The following CCDC3 variants were observed in gnomAD, a reference collection of about 807,000 sequenced individuals.
CCDC3 encodes coiled-coil domain containing 3, also known as coiled-coil domain-containing protein 3.
In CCDC3, 24 loss-of-function variants were observed where a neutral mutation model predicts 21.4. That is an observed-to-expected ratio of 1.12 (90% CI 0.81 to 1.58). The LOEUF (loss-of-function observed/expected upper bound fraction) is 1.58, where lower values mean the gene tolerates loss of function less well. Ranked by LOEUF, CCDC3 falls within the 40% of genes most tolerant of loss-of-function variation. The pLI is 0.00. For synonymous variants in CCDC3, 186 were observed against 166.0 expected, an observed-to-expected ratio of 1.12 and a Z score of -0.93; for missense variants, 425 against 360.9, an observed-to-expected ratio of 1.18 and a Z score of -1.44.
At position 12,897,744 on chromosome 10, in the gene CCDC3, C is replaced by T. The variant is rs987162928; in HGVS notation, c.*672G>A. ...CGCGACCCATAGGTATCATCTTCAACTCTTTGTAGCTGGTGTTGGAAATCA... is the reference window on the plus strand; with the variant it reads ...CGCGACCCATAGGTATCATCTTCAATTCTTTGTAGCTGGTGTTGGAAATCA... On this transcript the variant is annotated 3_prime_UTR_variant, in exon 3 of 3. Coordinates refer to ENST00000378825, the MANE Select transcript of CCDC3 (RefSeq NM_031455.4). 6.6e-6 allele frequency: 1 copy of T among 152,244 alleles called. No individual in the cohort carries two copies. Among genetic ancestry groups the T allele is most frequent in the African/African-American group, 2.4e-5 (1 of 41,438 alleles). The allele number at this position is 152,244 out of a possible 1,614,324, so 9.4% of individuals were successfully genotyped here.
At chr10:13,004,331 GT>G (rs1394461029), upstream of CCDC3, among the ~76,000 whole-genome samples, 1 of 152,174 alleles carries the variant, frequency 6.6e-6, no homozygotes, top group East Asian at 1.9e-4. Flanking sequence ...GATGGGACAT[GT>G]GGTAAAACCA....
chr10:12,915,970 T>TA (rs939318650), intron 2 of CCDC3, among the ~76,000 whole-genome samples: 2 of 151,808 alleles, frequency 1.3e-5, no homozygotes, highest in Non-Finnish European at 2.9e-5. Context: ...CCTGGAGCCA[T>TA]GGGGGCTAGT....
At chr10:13,008,322 G>A (rs1188433388) in intron 5 of CCDC3, among the ~76,000 whole-genome samples, 1 of 152,194 alleles carries the variant, frequency 6.6e-6, no homozygotes, top group East Asian at 1.9e-4. Context: ...GTTAGGGTGA[G>A]ATGAGTGTCC....
At position 12,916,426 on chromosome 10, in the gene CCDC3, C is replaced by CAA. The variant is rs71386129; in HGVS notation, c.550-17749_550-17748dup. Among the ~76,000 whole-genome samples, 1,042 of 105,184 alleles carry CAA rather than the reference C, an allele frequency of 9.9e-3. 10 individuals carry two copies. The highest frequency in any genetic ancestry group is 0.023 in the African/African-American group (613 of 26,952). 69.0% of individuals were successfully genotyped at this position (105,184 alleles called of 152,430 possible). A position where few individuals can be genotyped will look rare whatever the true frequency, so the allele number is the denominator to read the frequency against. On this transcript the variant is annotated intron_variant, in intron 2 of 2. Coordinates refer to ENST00000378825, the MANE Select transcript of CCDC3 (RefSeq NM_031455.4). ...TGAGGGATAGAGACAGACTCCATCT[C>CAA]AAAAAAAAAAAAAAAAAAAATTGAC...
intron 5 of CCDC3, among the ~76,000 whole-genome samples, chr10:13,013,121 G>GAC (rs1329339388): frequency 6.6e-6 from 1 of 151,988 alleles, no homozygotes. Flanking sequence ...AGTCTTTTGG[G>GAC]ACACACACAC....
At position 13,095,730 on chromosome 10, in the gene CCDC3, G is replaced by A. The variant is rs1203865994; in HGVS notation, c.-503+2795C>T. 3.9e-5 allele frequency among the ~76,000 whole-genome samples: 6 copies of A among 152,232 alleles called. No individual in the cohort carries two copies. The East Asian group carries it at 1.2e-3, about 29-fold the overall frequency. ...CTTTATTGGACATAATTATTAGGTC[G>A]TGTTCTTTTTGGTGGTGTTTGTACA... On this transcript the variant is annotated intron_variant, in intron 3 of 6. Transcript: ENST00000378839.
intron 2 of CCDC3, among the ~76,000 whole-genome samples, chr10:12,967,071 C>T (rs1835272815): frequency 6.6e-6 from 1 of 152,190 alleles, no homozygotes; most frequent in Non-Finnish European, 1.5e-5. Context: ...GCGATTTACC[C>T]AGGGTGAGGC....
At chr10:13,053,436 G>A (rs140031965) in intron 4 of CCDC3, among the ~76,000 whole-genome samples, 179 of 152,094 alleles carry the variant, frequency 1.2e-3, no homozygotes, top group African/African-American at 4.1e-3. Flanking sequence ...CAAGTGTGGT[G>A]GCATGCACCT....
At chr10:12,990,201 G>A (rs562434204) in intron 2 of CCDC3, among the ~76,000 whole-genome samples, 1 of 150,322 alleles carries the variant, frequency 6.7e-6, no homozygotes, top group Admixed American at 6.7e-5. Flanking sequence ...AGCTTGCAGT[G>A]AGCCAAGATA....
intron 2 of CCDC3, among the ~76,000 whole-genome samples, chr10:12,920,155 C>A (rs1355623005): frequency 6.6e-6 from 1 of 152,012 alleles, no homozygotes; most frequent in Non-Finnish European, 1.5e-5. Flanking sequence ...GCTGGGGAGG[C>A]CTCACAATCA....
At chr10:13,086,800 T>G (rs1333441545) in intron 3 of CCDC3, among the ~76,000 whole-genome samples, 1 of 152,100 alleles carries the variant, frequency 6.6e-6, no homozygotes, top group East Asian at 1.9e-4. Flanking sequence ...GTTTTCAAAT[T>G]TGTCACCAAA....
chr10:12,983,794 C>G lies in CCDC3; in HGVS notation c.549+14544G>C, dbSNP rs571562695. On this transcript the variant is annotated intron_variant, in intron 2 of 2. Coordinates refer to ENST00000378825, the MANE Select transcript of CCDC3 (RefSeq NM_031455.4). ...GAGGGAAATGCAAATTAAAGCCACA[C>G]TGAGGCTGGGCGCAATGACTCATGC... Among the ~76,000 whole-genome samples the G allele has an allele frequency of 5.9e-5, 9 of 151,982 alleles. No homozygotes were observed. In the East Asian group the frequency reaches 1.7e-3, roughly 29 times the overall value.
chr10:13,085,058 C>CA (rs1229296754), intron 3 of CCDC3, among the ~76,000 whole-genome samples: 1 of 152,194 alleles, frequency 6.6e-6, no homozygotes, highest in African/African-American at 2.4e-5. Context: ...CTGAGGCCCC[C>CA]TGAAGATCCT....
intron 2 of CCDC3, among the ~76,000 whole-genome samples, chr10:12,940,537 G>C (rs1834812133): frequency 6.6e-6 from 1 of 152,118 alleles, no homozygotes; most frequent in Non-Finnish European, 1.5e-5. Flanking sequence ...AGGATCCGGG[G>C]TCAGATACCC....
intron 3 of CCDC3, among the ~76,000 whole-genome samples, chr10:13,084,288 T>TC (rs1837076829): frequency 7.2e-5 from 2 of 27,602 alleles, no homozygotes; most frequent in Admixed American, 6.0e-4. Flanking sequence ...TTTTCTTTTC[T>TC]TTTTTTTTTT....
chr10:12,950,889 C>T (rs552757491), intron 2 of CCDC3, among the ~76,000 whole-genome samples: 2 of 152,114 alleles, frequency 1.3e-5, no homozygotes, highest in Non-Finnish European at 2.9e-5. Flanking sequence ...CATTTAATGC[C>T]CAACTGGAGT....
chr10:12,973,119 G>A (rs1005401716), intron 2 of CCDC3, among the ~76,000 whole-genome samples: 3 of 152,186 alleles, frequency 2.0e-5, no homozygotes, highest in Non-Finnish European at 2.9e-5. Context: ...CTCTGCTGGG[G>A]ACCAGGAAAA....
chr10:12,921,487 A>G (rs980925799), intron 2 of CCDC3, among the ~76,000 whole-genome samples: 1 of 152,136 alleles, frequency 6.6e-6, no homozygotes, highest in African/African-American at 2.4e-5. Flanking sequence ...TCTCACTGTC[A>G]CACTTCTCTG....
chr10:12,945,116 A>G (rs1376674296), intron 2 of CCDC3, among the ~76,000 whole-genome samples: 1 of 152,214 alleles, frequency 6.6e-6, no homozygotes, highest in African/African-American at 2.4e-5. Context: ...AAATTATTCT[A>G]TGAGGAAGCA....
Sources: gnomAD v4.1 joint callset for allele counts (sites outside exome capture counted in the v4.1 genomes callset) on GRCh38, gnomAD v4.1.1 for gene constraint, MANE v1.5 for transcripts, NCBI Gene and HGNC (gene_info 2026-07-23, HGNC 2026-07-21) for gene names.